The following HIVEP3 variants were observed in gnomAD, a reference collection of about 807,000 sequenced individuals.
The protein encoded by HIVEP3 is transcription factor HIVEP3.
Under a neutral mutation model 152.8 loss-of-function variants are expected in HIVEP3, and 49 were observed. The observed-to-expected ratio is 0.32, with a 90% CI of 0.26 to 0.41. HIVEP3 has a LOEUF of 0.41. HIVEP3 is among the 10% of genes least tolerant of loss of function. The pLI is 1.00. For missense variants in HIVEP3, 2,790 were observed against 3,103.3 expected (o/e 0.90, Z 2.40); for synonymous variants, 1,269 against 1,289.0 (o/e 0.98, Z 0.33).
chr1:41,549,716 GGGTT>G (rs1222596858), intron 5 of HIVEP3, among the ~76,000 whole-genome samples: 3 of 152,096 alleles, frequency 2.0e-5, no homozygotes, highest in Non-Finnish European at 4.4e-5. Flanking sequence ...CTTTTTGATG[GGGTT>G]GTTTGTTTTT....
chr1:41,728,552 T>C (rs1646792003), intron 1 of HIVEP3, among the ~76,000 whole-genome samples: 1 of 152,198 alleles, frequency 6.6e-6, no homozygotes, highest in Admixed American at 6.5e-5. Flanking sequence ...AAAGGCGATA[T>C]GCTTGGGATC....
chr1:41,509,546 C>G lies in HIVEP3; in HGVS notation c.*905G>C, dbSNP rs1264955642. ...GGTGGTTTTAGAACAGAGGAGGCAA[C>G]AGGAGAGTGAGGCCTCGGTCAGGGG... is the stretch of plus-strand genomic sequence containing the variant. On this transcript the variant is annotated 3_prime_UTR_variant, in exon 9 of 9. Transcript: ENST00000372583. The G allele has an allele frequency of 1.3e-5, 2 of 152,148 alleles. No individual in the cohort carries two copies. The highest frequency in any genetic ancestry group is 6.5e-5 in the Admixed American group (1 of 15,276). 9.4% of individuals were successfully genotyped at this position (152,148 alleles called of 1,614,324 possible).
intron 1 of HIVEP3, among the ~76,000 whole-genome samples, chr1:42,024,009 G>A (rs7512055): frequency 0.019 from 2,919 of 152,180 alleles, 77 homozygotes; most frequent in African/African-American, 0.066. Flanking sequence ...TTTCTACTTC[G>A]TTCTGTTGGA....
chr1:41,641,734 C>A (rs755110804), intron 2 of HIVEP3, among the ~76,000 whole-genome samples: 8 of 152,230 alleles, frequency 5.3e-5, no homozygotes, highest in Non-Finnish European at 8.8e-5. Context: ...CCAGTTGCTA[C>A]GGCAAGAGGA....
chr1:41,892,787 G>A (rs1352635666), intron 1 of HIVEP3, among the ~76,000 whole-genome samples: 1 of 152,096 alleles, frequency 6.6e-6, no homozygotes, highest in Admixed American at 6.6e-5. Context: ...CTTATAGTCT[G>A]AACGTGCCCA....
intron 3 of HIVEP3, among the ~76,000 whole-genome samples, chr1:41,599,371 T>A (rs1405246633): frequency 6.6e-6 from 1 of 152,192 alleles, no homozygotes; most frequent in African/African-American, 2.4e-5. Context: ...CTTACTCGAT[T>A]GACAAACGCG....
At chr1:41,565,195 T>C (rs1644141705) in intron 5 of HIVEP3, among the ~76,000 whole-genome samples, 1 of 152,202 alleles carries the variant, frequency 6.6e-6, no homozygotes, top group African/African-American at 2.4e-5. Flanking sequence ...CTGTGAATTA[T>C]TTATGATACA....
Position 41,918,913 on chromosome 1 carries a change from A to C in HIVEP3, c.-1301T>G, listed in dbSNP as rs966989111. ...TGCCTCGCTTGTCTTTTCCACTAGG[A>C]GTCCAGACCTTTTTTGAAAGGGGGT... On this transcript the variant is annotated 5_prime_UTR_variant, in exon 1 of 9. Transcript: ENST00000372583. The surrounding 1 kb of genome is among the most constrained non-coding windows in gnomAD (Gnocchi z 4.3). 6.6e-6 allele frequency among the ~76,000 whole-genome samples: 1 copy of C among 152,200 alleles called. No homozygotes were observed. Among genetic ancestry groups the C allele is most frequent in the Non-Finnish European group, 1.5e-5 (1 of 68,042 alleles).
At chr1:41,592,450 G>C (rs1644601513) in intron 3 of HIVEP3, among the ~76,000 whole-genome samples, 2 of 152,212 alleles carry the variant, frequency 1.3e-5, no homozygotes, top group Non-Finnish European at 2.9e-5. Flanking sequence ...GTTTGCTCAG[G>C]CTGGCTGCAA....
intron 1 of HIVEP3, among the ~76,000 whole-genome samples, chr1:42,031,042 G>A (rs754078087): frequency 1.3e-5 from 2 of 152,224 alleles, no homozygotes; most frequent in African/African-American, 2.4e-5. Flanking sequence ...ACAGCCTAGA[G>A]GGTTCATGCG....
chr1:41,512,428 C>T (rs1042391292), intron 8 of HIVEP3, among the ~76,000 whole-genome samples: 19 of 152,178 alleles, frequency 1.2e-4, no homozygotes, highest in South Asian at 4.1e-4. Flanking sequence ...CCCCAGAAGC[C>T]GAGCAGATGC....
At chr1:41,930,129 G>T (rs546678975) in intron 1 of HIVEP3, among the ~76,000 whole-genome samples, 1 of 151,990 alleles carries the variant, frequency 6.6e-6, no homozygotes, top group Non-Finnish European at 1.5e-5. Context: ...TACATCTTAG[G>T]TTCCTCAGTA....
intron 1 of HIVEP3, among the ~76,000 whole-genome samples, chr1:41,899,275 G>A (rs1644581468): frequency 6.6e-6 from 1 of 152,146 alleles, no homozygotes; most frequent in Non-Finnish European, 1.5e-5. Context: ...TGTTTTCAGT[G>A]TCTCTTGTCT....
chr1:41,754,892 C>A (rs146663994), intron 1 of HIVEP3, among the ~76,000 whole-genome samples: 1 of 152,250 alleles, frequency 6.6e-6, no homozygotes, highest in East Asian at 1.9e-4. Flanking sequence ...AACAAGCGCC[C>A]CTACACTGCA....
chr1:41,960,555 G>A (rs1645164266), intron 1 of HIVEP3, among the ~76,000 whole-genome samples: 1 of 152,154 alleles, frequency 6.6e-6, no homozygotes, highest in African/African-American at 2.4e-5. Context: ...AGAGCTCCTC[G>A]AAGGATTACA....
At chr1:41,532,657 G>C (rs905898777) in intron 5 of HIVEP3, among the ~76,000 whole-genome samples, 5 of 152,136 alleles carry the variant, frequency 3.3e-5, no homozygotes, top group Non-Finnish European at 7.4e-5. Flanking sequence ...GATGGGGCAG[G>C]GGTCAGAACG....
At chr1:41,566,519 C>G (rs1234933759) in intron 5 of HIVEP3, among the ~76,000 whole-genome samples, 1 of 152,210 alleles carries the variant, frequency 6.6e-6, no homozygotes, top group Non-Finnish European at 1.5e-5. Flanking sequence ...CCAGCTCACA[C>G]TCCCTCCAGG....
At chr1:41,671,694 C>A (rs1345787614) in intron 2 of HIVEP3, among the ~76,000 whole-genome samples, 6 of 152,222 alleles carry the variant, frequency 3.9e-5, no homozygotes, top group Admixed American at 2.0e-4. Flanking sequence ...ATCCCCACAC[C>A]CACAGCTCCC....
chr1:41,915,565 C>A (rs1379071630), intron 1 of HIVEP3, among the ~76,000 whole-genome samples: 1 of 152,134 alleles, frequency 6.6e-6, no homozygotes, highest in African/African-American at 2.4e-5. Flanking sequence ...CTCCAATGAT[C>A]AAAATTCATA....
Sources: allele counts gnomAD v4.1 joint callset (sites outside exome capture counted in the v4.1 genomes callset), GRCh38; gene constraint gnomAD v4.1.1; non-coding constraint Gnocchi (gnomAD v3.1); transcripts MANE v1.5; gene names NCBI Gene and HGNC (gene_info 2026-07-23, HGNC 2026-07-21).